Variants in MMP26 observed in about 807,000 individuals in gnomAD.
The protein encoded by MMP26 is matrix metalloproteinase-26.
A neutral mutation model predicts 31.0 loss-of-function variants in MMP26; 33 were observed. That is an observed-to-expected ratio of 1.06 (90% confidence interval 0.81 to 1.42). MMP26 has a LOEUF of 1.42. Ranked by LOEUF, MMP26 falls within the 40% of genes most tolerant of loss-of-function variation. The pLI, the probability that MMP26 is intolerant of heterozygous loss-of-function variation, is 0.00. For synonymous variants in MMP26, 122 were observed against 114.9 expected (o/e 1.06, Z -0.40); for missense variants, 347 against 316.1 (o/e 1.10, Z -0.74).
intron 2 of MMP26, among the ~76,000 whole-genome samples, chr11:4,846,498 A>G (rs1316851336): frequency 6.6e-6 from 1 of 152,202 alleles, no homozygotes; most frequent in African/African-American, 2.4e-5. Context: ...ATAGTGCAAT[A>G]GAGTGACTCT....
At chr11:4,860,001 C>G (rs937886548) in intron 2 of MMP26, 16 of 470,890 alleles carry the variant, frequency 3.4e-5, no homozygotes, top group Non-Finnish European at 6.6e-5. Flanking sequence ...CACAAGCTAG[C>G]CGCATCATGT....
At chr11:4,930,034 A>T (rs1296309232) in intron 2 of MMP26, among the ~76,000 whole-genome samples, 1 of 152,118 alleles carries the variant, frequency 6.6e-6, no homozygotes, top group African/African-American at 2.4e-5. Context: ...AACATAATTT[A>T]TGACTATATA....
At chr11:4,908,357 T>G in intron 2 of MMP26, 1 of 1,479,826 alleles carries the variant, frequency 6.8e-7, no homozygotes, top group Non-Finnish European at 9.4e-7. Flanking sequence ...GCATTTACTG[T>G]CATTTGCTAT....
At chr11:4,943,823 CTTTAT>C (rs1218806561) in intron 2 of MMP26, 1 of 442,672 alleles carries the variant, frequency 2.3e-6, no homozygotes, top group Non-Finnish European at 4.5e-6. Flanking sequence ...ATTTATGTAT[CTTTAT>C]TTTATTTTTC....
chr11:4,864,152 C>T (rs1360527100), intron 2 of MMP26, among the ~76,000 whole-genome samples: 1 of 152,096 alleles, frequency 6.6e-6, no homozygotes, highest in Non-Finnish European at 1.5e-5. Flanking sequence ...GGACTCCGCC[C>T]ATCAGGAACA....
intron 2 of MMP26, among the ~76,000 whole-genome samples, chr11:4,849,570 C>T (rs1849944419): frequency 6.6e-6 from 1 of 152,070 alleles, no homozygotes; most frequent in African/African-American, 2.4e-5. Context: ...TCCATTTATC[C>T]ATATTTTTTT....
intron 2 of MMP26, among the ~76,000 whole-genome samples, chr11:4,835,588 C>G (rs1267168862): frequency 2.6e-5 from 4 of 152,076 alleles, no homozygotes; most frequent in Non-Finnish European, 4.4e-5. Flanking sequence ...AAGGAGAGAG[C>G]AATTGAGGCT....
At chr11:4,867,989 A>C (rs148620837) in intron 2 of MMP26, among the ~76,000 whole-genome samples, 2 of 152,288 alleles carry the variant, frequency 1.3e-5, no homozygotes, top group African/African-American at 4.8e-5. Flanking sequence ...CATGAAGTCA[A>C]CCTAAATACC....
At chr11:4,825,799 G>A (rs1849571461) in intron 2 of MMP26, among the ~76,000 whole-genome samples, 1 of 152,078 alleles carries the variant, frequency 6.6e-6, no homozygotes. Flanking sequence ...TGCTTCCAGG[G>A]ACCATGAATG....
intron 2 of MMP26, among the ~76,000 whole-genome samples, chr11:4,964,681 A>G (rs1011192675): frequency 6.6e-5 from 10 of 152,172 alleles, no homozygotes; most frequent in Admixed American, 4.6e-4. Flanking sequence ...ATGCTCACAA[A>G]TGATAGACTG....
Position 4,991,464 on chromosome 11 carries a change from A to T in MMP26, c.563A>T (p.Asp188Val). 1 of 1,613,960 alleles carries T rather than the reference A, an allele frequency of 6.2e-7. No individual in the cohort carries two copies. The highest frequency in any genetic ancestry group is 8.5e-7 in the Non-Finnish European group (1 of 1,179,872). Residue 188 changes from aspartate to valine, a missense_variant, in exon 6 of 8, where the codon GAC becomes GTC. Transcript: ENST00000380390. ...NSGNPGVVHF[D>V]KNEHWSASDT... ...GGAAATCCTGGAGTTGTCCATTTTG[A>T]CAAGAATGAACACTGGTCAGCTTCA...
intron 2 of MMP26, among the ~76,000 whole-genome samples, chr11:4,826,395 T>A (rs1016304808): frequency 2.6e-5 from 4 of 152,052 alleles, no homozygotes; most frequent in African/African-American, 9.7e-5. Flanking sequence ...CACACAGATA[T>A]TCAGGGCTAA....
chr11:4,945,189 A>C (rs946319924), intron 2 of MMP26: 9 of 152,294 alleles, frequency 5.9e-5, no homozygotes, highest in South Asian at 2.1e-4. Flanking sequence ...AAAAGAGAAG[A>C]TCATAATACA....
At chr11:4,904,738 T>A (rs1027776861) in intron 2 of MMP26, among the ~76,000 whole-genome samples, 1 of 151,986 alleles carries the variant, frequency 6.6e-6, no homozygotes, top group Non-Finnish European at 1.5e-5. Context: ...GACATCAATA[T>A]CCCTTAGTTG....
chr11:4,852,036 C>T (rs1050728510), intron 2 of MMP26, among the ~76,000 whole-genome samples: 4 of 152,036 alleles, frequency 2.6e-5, no homozygotes, highest in African/African-American at 7.2e-5. Flanking sequence ...TAACTATATT[C>T]TGTATACAAA....
chr11:4,826,557 TG>T (rs1005493428), intron 2 of MMP26, among the ~76,000 whole-genome samples: 1 of 152,098 alleles, frequency 6.6e-6, no homozygotes, highest in African/African-American at 2.4e-5. Flanking sequence ...AACTGAGCCC[TG>T]GAGGAACCAC....
intron 1 of MMP26, among the ~76,000 whole-genome samples, chr11:4,728,719 G>A (rs1262615393): frequency 3.3e-5 from 5 of 151,842 alleles, no homozygotes; most frequent in African/African-American, 4.8e-5. Flanking sequence ...TTCTTAGGAG[G>A]TGCTTGCTAG....
intron 1 of MMP26, among the ~76,000 whole-genome samples, chr11:4,757,662 A>T (rs1848521047): frequency 6.6e-6 from 1 of 152,058 alleles, no homozygotes; most frequent in Admixed American, 6.6e-5. Context: ...TCACCAAAAC[A>T]TATATAAAAA....
At chr11:4,747,144 T>C (rs1027686308) in intron 1 of MMP26, among the ~76,000 whole-genome samples, 2 of 152,122 alleles carry the variant, frequency 1.3e-5, no homozygotes, top group African/African-American at 4.8e-5. Context: ...TTCTACAGCA[T>C]TTCTATGTCT....
Sources: allele counts gnomAD v4.1 joint callset (sites outside exome capture counted in the v4.1 genomes callset), GRCh38; gene constraint gnomAD v4.1.1; transcripts MANE v1.5; gene names NCBI Gene and HGNC (gene_info 2026-07-23, HGNC 2026-07-21).